Variants in PTPN13 observed in about 807,000 individuals in gnomAD.
PTPN13 encodes tyrosine-protein phosphatase non-receptor type 13.
Under a neutral mutation model 284.0 loss-of-function variants are expected in PTPN13, and 191 were observed. That is an observed-to-expected ratio of 0.67 (90% CI 0.60 to 0.76). The LOEUF is 0.76. Among genes scored for constraint, PTPN13 ranks in the 30% least tolerant of loss-of-function variants. PTPN13 has a pLI of 0.00. For missense variants in PTPN13, 2,797 were observed against 2,939.9 expected (o/e 0.95, Z 1.12); for synonymous variants, 986 against 1,022.3 (o/e 0.96, Z 0.68).
intron 1 of PTPN13, among the ~76,000 whole-genome samples, chr4:86,608,656 G>A (rs1227819642): frequency 2.6e-5 from 4 of 152,106 alleles, no homozygotes; most frequent in Non-Finnish European, 4.4e-5. Flanking sequence ...CCCAAATATA[G>A]ATGGTAAGTG....
chr4:86,732,529 A>G, intron 11 of PTPN13, 55 bp downstream of exon 11: 1 of 1,594,450 alleles, frequency 6.3e-7, no homozygotes, highest in Non-Finnish European at 8.6e-7. Context: ...AGTAGTGTTA[A>G]AAACCAGTTA....
intron 36 of PTPN13, among the ~76,000 whole-genome samples, chr4:86,781,753 A>G (rs1683672587): frequency 6.6e-6 from 1 of 152,138 alleles, no homozygotes; most frequent in African/African-American, 2.4e-5. Flanking sequence ...TCACGAGGTC[A>G]GGAGATCAAG....
intron 2 of PTPN13, among the ~76,000 whole-genome samples, chr4:86,640,226 A>G (rs1334099367): frequency 6.6e-6 from 1 of 152,192 alleles, no homozygotes; most frequent in Admixed American, 6.5e-5. Flanking sequence ...AAATTTATTC[A>G]TTTAATCTAA....
rs550247305 is a variant in PTPN13, at chr4:86,648,999, A to T, written c.115+13628A>T. ...TAGTGATTTTGAGCATTTTTTATAT[A>T]CTTCTTGGCCATTTGTATGTCTTCC... On this transcript the variant is annotated intron_variant, in intron 2 of 47. Transcript: ENST00000411767. 2.0e-3 allele frequency among the ~76,000 whole-genome samples: 305 copies of T among 152,092 alleles called. 13 individuals are homozygous for T. In the South Asian group the frequency reaches 0.062, roughly 31 times the overall value.
At chr4:86,638,182 TACAA>T (rs1477600816) in intron 2 of PTPN13, among the ~76,000 whole-genome samples, 2 of 152,032 alleles carry the variant, frequency 1.3e-5, no homozygotes, top group African/African-American at 2.4e-5. Flanking sequence ...TAAAAGAGGA[TACAA>T]ACAAATGGAA....
intron 12 of PTPN13, 25 bp downstream of exon 12, chr4:86,732,791 G>C: frequency 6.3e-7 from 1 of 1,590,712 alleles, no homozygotes; most frequent in Non-Finnish European, 8.6e-7. Flanking sequence ...TATATTCAGA[G>C]TACAGTATAG....
rs111559530 is a variant in PTPN13 at position 86,807,968 on chromosome 4, G to A, written c.7083+71G>A. 1,283 of 1,284,150 alleles carry A rather than the reference G, an allele frequency of 1.0e-3. 8 individuals carry two copies. In the African/African-American group the frequency reaches 0.017, roughly 17 times the overall value. 79.5% of individuals were successfully genotyped at this position (1,284,150 alleles called of 1,614,324 possible). ...TGTAATCCAAGCCTGGACTCTTTCC[G>A]TGATTGCACCAATGTTATTTCTAGA... On this transcript the variant is annotated intron_variant, in intron 45 of 47. Transcript: ENST00000411767.
chr4:86,725,779 G>T (rs28769973), intron 10 of PTPN13, among the ~76,000 whole-genome samples: 9,421 of 149,172 alleles, frequency 0.063, 1,275 homozygotes, highest in African/African-American at 0.22. Flanking sequence ...GCCTGTTCAC[G>T]CTGATGGTAG....
At chr4:86,615,990 A>G (rs1019194906) in intron 1 of PTPN13, among the ~76,000 whole-genome samples, 6 of 152,194 alleles carry the variant, frequency 3.9e-5, no homozygotes, top group Admixed American at 2.6e-4. Context: ...AATTCCCTAC[A>G]TTGTCTGATG....
At chr4:86,711,303 C>T (rs902672521) in intron 7 of PTPN13, among the ~76,000 whole-genome samples, 1 of 152,000 alleles carries the variant, frequency 6.6e-6, no homozygotes, top group Non-Finnish European at 1.5e-5. Context: ...CGTAACCCAA[C>T]ATGATGGCCC....
At chr4:86,649,247 A>G (rs192150759) in intron 2 of PTPN13, among the ~76,000 whole-genome samples, 1 of 152,180 alleles carries the variant, frequency 6.6e-6, no homozygotes, top group African/African-American at 2.4e-5. Context: ...TTTGCTATGA[A>G]CAAAAATGGT....
chr4:86,771,191 A>G lies in PTPN13; in HGVS notation c.4824A>G (p.Ala1608=). 6.2e-7 allele frequency: 1 copy of G among 1,611,826 alleles called. No individual in the cohort carries two copies. The highest frequency in any genetic ancestry group is 2.2e-5 in the East Asian group (1 of 44,840). ...TACAGACCCCACTTCAGTCTCCAGC[A>G]CAAGTACTTCCAAACAGCAGTAAAG... ...TALLTPLQSP[A]QVLPNSSKDS... is the part of the protein sequence containing the mutation. The change falls in exon 31 of 48, where the codon GCA becomes GCG. Residue 1608 remains alanine, a synonymous_variant. Coordinates refer to ENST00000411767, the MANE Select transcript of PTPN13 (RefSeq NM_080683.3).
Position 86,672,429 on chromosome 4 carries a change from A to G in PTPN13, c.180A>G (p.Pro60=). The change falls in exon 3 of 48, where the codon CCA becomes CCG. Residue 60 remains proline (P), a synonymous_variant. Transcript: ENST00000411767. ...IISPWSLLLL[P]SGSVSFTDEN... Reference sequence around the variant, plus strand: ...CTCCATGGTCTCTGCTGTTGCTGCCATCTGGTAGTGTGTCATTTACAGATG... The same window carrying G: ...CTCCATGGTCTCTGCTGTTGCTGCCGTCTGGTAGTGTGTCATTTACAGATG... 6.4e-7 allele frequency: 1 copy of G among 1,566,380 alleles called. No individual in the cohort carries two copies. The highest frequency in any genetic ancestry group is 8.7e-7 in the Non-Finnish European group (1 of 1,154,568).
At chr4:86,598,947 T>C (rs1764060465) in intron 1 of PTPN13, among the ~76,000 whole-genome samples, 1 of 152,116 alleles carries the variant, frequency 6.6e-6, no homozygotes, top group Non-Finnish European at 1.5e-5. Flanking sequence ...TTTGTAGAGA[T>C]AATGGTCTTC....
Position 86,771,499 on chromosome 4 carries a change from C to G in PTPN13, c.5132C>G (p.Pro1711Arg), listed in dbSNP as rs909866270. The change falls in exon 31 of 48, where the codon CCT (proline) becomes CGT (arginine). Residue 1711 changes from proline to arginine, a missense_variant. Coordinates refer to ENST00000411767, the MANE Select transcript of PTPN13 (RefSeq NM_080683.3). ...ACCATTTGTACCATGTTTTACTATC[C>G]TCAGAAAATTCCCAATAAACCAGAG... is the stretch of plus-strand genomic sequence containing the variant. Reference protein sequence around the residue: ...EDTICTMFYYPQKIPNKPEFE... With the variant: ...EDTICTMFYYRQKIPNKPEFE... 7 of 1,569,556 alleles carry G rather than the reference C, an allele frequency of 4.5e-6. No homozygotes were observed. Among genetic ancestry groups the G allele is most frequent in the Non-Finnish European group, 6.1e-6 (7 of 1,155,006 alleles).
intron 3 of PTPN13, among the ~76,000 whole-genome samples, chr4:86,685,894 C>T (rs73838925): frequency 9.5e-4 from 145 of 152,258 alleles, no homozygotes; most frequent in African/African-American, 3.3e-3. Flanking sequence ...ACTTACAAGG[C>T]TGTTTGCTGA....
chr4:86,811,174 A>T, intron 47 of PTPN13, 66 bp downstream of exon 47: 2 of 1,454,046 alleles, frequency 1.4e-6, no homozygotes, highest in Non-Finnish European at 1.9e-6. Flanking sequence ...TAAGGTTCTT[A>T]TTAAACCATT....
intron 45 of PTPN13, among the ~76,000 whole-genome samples, chr4:86,808,655 A>C (rs773537231): frequency 1.3e-5 from 2 of 152,198 alleles, no homozygotes; most frequent in Non-Finnish European, 2.9e-5. Context: ...ATTGATTTAC[A>C]CTAGCTTACC....
intron 2 of PTPN13, among the ~76,000 whole-genome samples, chr4:86,651,081 G>A (rs1003339098): frequency 5.3e-5 from 8 of 152,122 alleles, no homozygotes; most frequent in Non-Finnish European, 8.8e-5. Context: ...TCATGTTGAG[G>A]TATGTTCCTT....
Sources: allele counts gnomAD v4.1 joint callset (sites outside exome capture counted in the v4.1 genomes callset), GRCh38; gene constraint gnomAD v4.1.1; transcripts MANE v1.5; gene names NCBI Gene and HGNC (gene_info 2026-07-23, HGNC 2026-07-21).